ENTPD7: variants seen among roughly 807,000 people sequenced by gnomAD.
ENTPD7 encodes ectonucleoside triphosphate diphosphohydrolase 7, also known as NTPDase 7.
Under a neutral mutation model 77.9 loss-of-function variants are expected in ENTPD7, and 53 were observed. The observed-to-expected ratio is 0.68, with a 90% CI of 0.55 to 0.85. The LOEUF is 0.85. Among genes scored for constraint, ENTPD7 ranks in the 40% least tolerant of loss-of-function variants. The pLI, the probability that ENTPD7 is intolerant of heterozygous loss-of-function variation, is 0.00. For missense variants in ENTPD7, 636 were observed against 743.7 expected (o/e 0.86, Z 1.68); for synonymous variants, 248 against 274.9 (o/e 0.90, Z 0.97).
rs1430431312 is a variant in ENTPD7, at chr10:99,706,501, A to C, written c.*1818A>C. ...CAGGTGTGCGCCACCACACTCAGCT[A>C]ATTTTTTATTTTATTTTTTTAGAGA... On this transcript the variant is annotated 3_prime_UTR_variant, in exon 13 of 13. Coordinates refer to ENST00000370489, the MANE Select transcript of ENTPD7 (RefSeq NM_020354.5). Among the ~76,000 whole-genome samples, 1 of 48,332 alleles carries C rather than the reference A, an allele frequency of 2.1e-5. No homozygotes were observed. The highest frequency in any genetic ancestry group is 5.4e-5 in the Non-Finnish European group (1 of 18,606). The allele number at this position is 48,332 out of a possible 152,430, so 31.7% of individuals were successfully genotyped here.
rs1376465997 is a variant in ENTPD7 at position 99,707,551 on chromosome 10, A to G, written c.*2868A>G. Among the ~76,000 whole-genome samples, 2 of 152,236 alleles carry G rather than the reference A, an allele frequency of 1.3e-5. No homozygotes were observed. The highest frequency in any genetic ancestry group is 4.8e-5 in the African/African-American group (2 of 41,468). ...GCACTTTGGTGGTTCTCCCATGAAGATAATTATGGTGTCATAAAATTCACA... is the reference window on the plus strand; with the variant it reads ...GCACTTTGGTGGTTCTCCCATGAAGGTAATTATGGTGTCATAAAATTCACA... On this transcript the variant is annotated 3_prime_UTR_variant, in exon 13 of 13. Transcript: ENST00000370489.
At chr10:99,682,976 T>C (rs2035771369) in intron 5 of ENTPD7, among the ~76,000 whole-genome samples, 1 of 152,180 alleles carries the variant, frequency 6.6e-6, no homozygotes, top group Admixed American at 6.5e-5. Context: ...CTGTTCGGTA[T>C]TACCTCTGTC....
intron 3 of ENTPD7, among the ~76,000 whole-genome samples, chr10:99,675,395 A>T (rs1040608943): frequency 3.3e-5 from 5 of 152,080 alleles, no homozygotes; most frequent in African/African-American, 1.2e-4. Context: ...AACTCAGTGA[A>T]CCAATTATTT....
At chr10:99,702,287 T>TA (rs975953044) in intron 11 of ENTPD7, among the ~76,000 whole-genome samples, 6 of 151,692 alleles carry the variant, frequency 4.0e-5, no homozygotes, top group African/African-American at 1.5e-4. Context: ...TAGGGACTCT[T>TA]AAAAAAAAGA....
In ENTPD7 at chr10:99,705,417, G is replaced by C. The variant is rs1318653190; in HGVS notation, c.*734G>C. On this transcript the variant is annotated 3_prime_UTR_variant, in exon 13 of 13. Transcript: ENST00000370489. Reference sequence around the variant, plus strand: ...TTTTCCATTTTTATGTGCCTCACAGGCTGTTTGGGCATTAATTTTGCTTTT... The same window carrying C: ...TTTTCCATTTTTATGTGCCTCACAGCCTGTTTGGGCATTAATTTTGCTTTT... The C allele has an allele frequency of 6.6e-6, 1 of 152,472 alleles. No homozygotes were observed. Among genetic ancestry groups the C allele is most frequent in the Non-Finnish European group, 1.5e-5 (1 of 68,046 alleles). The allele number at this position is 152,472 out of a possible 1,614,324, so 9.4% of individuals were successfully genotyped here. A position where few individuals can be genotyped will look rare whatever the true frequency, so the allele number is the denominator to read the frequency against.
intron 3 of ENTPD7, among the ~76,000 whole-genome samples, chr10:99,673,857 T>TA (rs2035647691): frequency 6.6e-6 from 1 of 152,222 alleles, no homozygotes; most frequent in Admixed American, 6.5e-5. Flanking sequence ...CAATCAATAC[T>TA]ATTTGATACA....
Position 99,685,842 on chromosome 10 carries a change from T to C in ENTPD7, c.599T>C (p.Phe200Ser), listed in dbSNP as rs201287793. The part of the protein sequence containing the change: ...ADLVKDLPLE[F>S]DFLFSQSQAE... ...CTAGTGAAAGATTTACCACTGGAGT[T>C]TGACTTCCTCTTTTCACAGTCTCAA... The change falls in exon 6 of 13, where the codon TTT becomes TCT. Residue 200 changes from phenylalanine to serine, a missense_variant. Around this residue, in one of 3 missense-constraint regions of ENTPD7, gnomAD observed 486 missense variants for 556.5 expected, o/e 0.87. Coordinates refer to ENST00000370489, the MANE Select transcript of ENTPD7 (RefSeq NM_020354.5). 25 of 1,613,986 alleles carry C rather than the reference T, an allele frequency of 1.5e-5. No individual in the cohort carries two copies. The highest frequency in any genetic ancestry group is 6.7e-5 in the African/African-American group (5 of 74,976).
intron 3 of ENTPD7, among the ~76,000 whole-genome samples, chr10:99,675,329 G>GT (rs370849784): frequency 1.4e-3 from 202 of 144,948 alleles, no homozygotes; most frequent in South Asian, 6.1e-3. Context: ...ATGAATGTGT[G>GT]TTTTTTTTTT....
Position 99,665,689 on chromosome 10 carries a change from CT to C in ENTPD7, c.191+4073del, listed in dbSNP as rs1271200870. On this transcript the variant is annotated intron_variant, in intron 3 of 12. Transcript: ENST00000370489. ...TCATTTGTATTTTTGGCTTGCTTTT[CT>C]TTTTTTTTTTTCTTTTTAAACGTTA... 4.7e-3 allele frequency among the ~76,000 whole-genome samples: 679 copies of C among 145,850 alleles called. 8 individuals carry two copies. The highest frequency in any genetic ancestry group is 0.01 in the African/African-American group (405 of 39,968).
chr10:99,660,109 T>C, intron 2 of ENTPD7, 145 bp downstream of exon 2: 3 of 1,308,824 alleles, frequency 2.3e-6, no homozygotes, highest in Non-Finnish European at 3.2e-6. Context: ...GCAGAGACGA[T>C]CAAAGTTGTA....
intron 5 of ENTPD7, among the ~76,000 whole-genome samples, chr10:99,680,583 C>T (rs2035739970): frequency 6.6e-6 from 1 of 151,816 alleles, no homozygotes; most frequent in Non-Finnish European, 1.5e-5. Context: ...TACCCTCTAA[C>T]CAGATTTTTT....
Position 99,698,767 on chromosome 10 carries a change from TC to T in ENTPD7, c.1245del (p.Tyr416ThrfsTer40), listed in dbSNP as rs781566336. ...CCTATTGACTTCAACAACAGCGAGT[TC>T]TACGGCTTCTCTGAGTTTTTTTATT... ...QSPIDFNNSE[F>X]YGFSEFFYCT... is the part of the protein sequence containing the mutation. On this transcript the variant is annotated frameshift_variant, in exon 10 of 13. Transcript: ENST00000370489. LOFTEE classifies it high-confidence loss of function. The T allele has an allele frequency of 6.2e-7, 1 of 1,614,246 alleles. No homozygotes were observed. Among genetic ancestry groups the T allele is most frequent in the East Asian group, 2.2e-5 (1 of 44,890 alleles).
At chr10:99,701,405 AGCC>A in intron 11 of ENTPD7, among the ~76,000 whole-genome samples, 1 of 151,440 alleles carries the variant, frequency 6.6e-6, no homozygotes, top group Non-Finnish European at 1.5e-5. Context: ...CTCCTGCCTC[AGCC>A]CCCCAAGTAG....
At chr10:99,684,560 A>G (rs2035790066) in intron 5 of ENTPD7, among the ~76,000 whole-genome samples, 1 of 152,218 alleles carries the variant, frequency 6.6e-6, no homozygotes, top group Non-Finnish European at 1.5e-5. Context: ...ACTATACTTG[A>G]CATTATACTG....
At chr10:99,668,680 C>T (rs1199588530) in intron 3 of ENTPD7, among the ~76,000 whole-genome samples, 2 of 152,230 alleles carry the variant, frequency 1.3e-5, no homozygotes, top group South Asian at 2.1e-4. Context: ...TGAAAATATA[C>T]ACTGAAGATA....
intron 3 of ENTPD7, among the ~76,000 whole-genome samples, chr10:99,673,573 A>G (rs1018027590): frequency 6.6e-6 from 1 of 152,244 alleles, no homozygotes; most frequent in East Asian, 1.9e-4. Context: ...ATTTAGGCCT[A>G]TCTTCCTCTT....
chr10:99,683,930 TTTA>T (rs1421483568), intron 5 of ENTPD7, among the ~76,000 whole-genome samples: 1 of 152,222 alleles, frequency 6.6e-6, no homozygotes, highest in African/African-American at 2.4e-5. Context: ...TCTTCTTTAT[TTTA>T]TTGTTTGATG....
chr10:99,690,400 T>C (rs1462949350), intron 7 of ENTPD7, among the ~76,000 whole-genome samples: 1 of 152,224 alleles, frequency 6.6e-6, no homozygotes, highest in Non-Finnish European at 1.5e-5. Context: ...CATAGTCATA[T>C]TTCTGACTCA....
At chr10:99,672,054 T>C (rs2133449128) in intron 3 of ENTPD7, among the ~76,000 whole-genome samples, 1 of 152,294 alleles carries the variant, frequency 6.6e-6, no homozygotes, top group South Asian at 2.1e-4. Context: ...TTTATTCACG[T>C]TTATTTTATT....
Sources: allele counts gnomAD v4.1 joint callset (sites outside exome capture counted in the v4.1 genomes callset), GRCh38; gene constraint gnomAD v4.1.1; regional missense constraint gnomAD v4.1.1; transcripts MANE v1.5; gene names NCBI Gene and HGNC (gene_info 2026-07-23, HGNC 2026-07-21).